Variants in XPO7 observed in about 807,000 individuals in gnomAD.
XPO7 encodes exportin 7.
Under a neutral mutation model 144.3 loss-of-function variants are expected in XPO7, and 21 were observed. The observed-to-expected ratio is 0.15, with a 90% CI of 0.10 to 0.21. The LOEUF (loss-of-function observed/expected upper bound fraction) is 0.21, where lower values mean the gene tolerates loss of function less well. XPO7 is among the 10% of genes least tolerant of loss of function. The pLI is 1.00. For missense variants in XPO7, 808 were observed against 1,325.8 expected, an observed-to-expected ratio of 0.61 and a Z score of 6.06; for synonymous variants, 580 against 499.6, an observed-to-expected ratio of 1.16 and a Z score of -2.15.
chr8:21,937,109 T>G (rs1165653080), intron 1 of XPO7, among the ~76,000 whole-genome samples: 2 of 152,214 alleles, frequency 1.3e-5, no homozygotes, highest in Non-Finnish European at 2.9e-5. Flanking sequence ...GTTAAAAGTT[T>G]CAAAACTGCT....
In XPO7 at chr8:21,984,715, T is replaced by A; in HGVS notation, c.1347T>A (p.Ile449=). ...AGCAGTTGGACCAGCTGTCCACCAT[T>A]GGGCGTTGTGAATATGAGAAGACGT... ...VQQQLDQLST[I]GRCEYEKTCA... The change falls in exon 12 of 28, where the codon ATT becomes ATA. Residue 449 remains isoleucine, a synonymous_variant. Coordinates refer to ENST00000252512, the MANE Select transcript of XPO7 (RefSeq NM_015024.5). 1 of 1,613,986 alleles carries A rather than the reference T, an allele frequency of 6.2e-7. No homozygotes were observed. Among genetic ancestry groups the A allele is most frequent in the Non-Finnish European group, 8.5e-7 (1 of 1,179,886 alleles).
intron 1 of XPO7, among the ~76,000 whole-genome samples, chr8:21,922,704 AAG>A (rs1441663740): frequency 1.3e-5 from 2 of 152,210 alleles, no homozygotes; most frequent in African/African-American, 4.8e-5. Flanking sequence ...AAAGGAAGGA[AAG>A]AATATGATTT....
chr8:21,987,938 C>T (rs750046154), intron 15 of XPO7, 81 bp downstream of exon 15: 83 of 1,409,916 alleles, frequency 5.9e-5, no homozygotes, highest in South Asian at 2.1e-4. Context: ...CATTGTGCTG[C>T]CAGTGCCTGG....
At chr8:21,998,042 A>G (rs552948254) in intron 21 of XPO7, among the ~76,000 whole-genome samples, 120 of 152,326 alleles carry the variant, frequency 7.9e-4, no homozygotes, top group African/African-American at 2.7e-3. Context: ...AATGGTAACA[A>G]TGCTTTGGCC....
intron 27 of XPO7, among the ~76,000 whole-genome samples, chr8:22,004,244 G>A: frequency 6.6e-6 from 1 of 152,104 alleles, no homozygotes; most frequent in Admixed American, 6.5e-5. Context: ...GTATCAGTGT[G>A]TAATCAGTAT....
intron 1 of XPO7, among the ~76,000 whole-genome samples, chr8:21,965,264 G>A (rs1329825187): frequency 6.6e-6 from 1 of 151,900 alleles, no homozygotes; most frequent in East Asian, 1.9e-4. Flanking sequence ...TAATTAAACT[G>A]ATTCAATTCT....
At chr8:21,974,848 T>C (rs1382252834) in intron 6 of XPO7, 74 bp downstream of exon 6, 2 of 1,241,416 alleles carry the variant, frequency 1.6e-6, no homozygotes, top group African/African-American at 1.5e-5. Context: ...TTGTTAAATG[T>C]CAGCTTTTAA....
intron 19 of XPO7, among the ~76,000 whole-genome samples, chr8:21,992,845 T>C (rs1812815216): frequency 6.6e-6 from 1 of 152,186 alleles, no homozygotes; most frequent in Non-Finnish European, 1.5e-5. Context: ...TGTGTCCAAA[T>C]CAGAAGACAC....
rs957163620 is a variant in XPO7, at chr8:21,924,495, C to A, written c.18+4707C>A. Among the ~76,000 whole-genome samples the A allele has an allele frequency of 3.5e-5, 5 of 142,856 alleles. No individual in the cohort carries two copies. The South Asian group carries it at 1.3e-3, about 37-fold the overall frequency. The allele number at this position is 142,856 out of a possible 152,430, so 93.7% of individuals were successfully genotyped here. A position where few individuals can be genotyped will look rare whatever the true frequency, so the allele number is the denominator to read the frequency against. Reference sequence around the variant, plus strand: ...CTATCCTGTCATTTTATTTTTAAATCTGCTTTTAGAACTCAAGCTGAGTAA... The same window carrying A: ...CTATCCTGTCATTTTATTTTTAAATATGCTTTTAGAACTCAAGCTGAGTAA... On this transcript the variant is annotated intron_variant, in intron 1 of 27. Transcript: ENST00000252512.
intron 27 of XPO7, 103 bp from the exon 28 acceptor site, chr8:22,004,892 A>C (rs1349220333): frequency 1.1e-5 from 7 of 621,364 alleles, no homozygotes; most frequent in Non-Finnish European, 1.4e-5. Context: ...AGAACCCATC[A>C]ATTCATACAT....
chr8:21,982,565 C>A, intron 10 of XPO7, 75 bp from the exon 11 acceptor site: 2 of 1,470,036 alleles, frequency 1.4e-6, no homozygotes, highest in African/African-American at 1.4e-5. Flanking sequence ...AAGTCTTTAT[C>A]TTCTGTGTCA....
chr8:21,948,691 TTTTG>T (rs1224024463), intron 1 of XPO7, among the ~76,000 whole-genome samples: 2 of 152,184 alleles, frequency 1.3e-5, no homozygotes, highest in African/African-American at 4.8e-5. Flanking sequence ...GCTTTTCTAG[TTTTG>T]TTTTTTTATT....
chr8:21,936,446 A>T (rs532622952), intron 1 of XPO7, among the ~76,000 whole-genome samples: 2 of 152,182 alleles, frequency 1.3e-5, no homozygotes, highest in African/African-American at 4.8e-5. Context: ...ATTTTCACCA[A>T]TGTTACTATA....
chr8:21,961,934 A>G (rs1311113135), intron 1 of XPO7, among the ~76,000 whole-genome samples: 1 of 152,214 alleles, frequency 6.6e-6, no homozygotes, highest in Non-Finnish European at 1.5e-5. Flanking sequence ...AAGTGCTGGG[A>G]TTACAGGCAT....
At chr8:21,956,745 T>C (rs1288879512) in intron 1 of XPO7, among the ~76,000 whole-genome samples, 1 of 152,116 alleles carries the variant, frequency 6.6e-6, no homozygotes, top group Non-Finnish European at 1.5e-5. Context: ...TTTTTTTTTT[T>C]TCTTTTTGTG....
intron 1 of XPO7, among the ~76,000 whole-genome samples, chr8:21,934,196 G>T (rs936372658): frequency 2.3e-4 from 35 of 152,200 alleles, no homozygotes; most frequent in Admixed American, 1.6e-3. Flanking sequence ...GTGAAGAAAA[G>T]TGTTGTAATG....
intron 19 of XPO7, among the ~76,000 whole-genome samples, chr8:21,994,036 T>G (rs1418246808): frequency 1.3e-5 from 2 of 151,074 alleles, no homozygotes; most frequent in African/African-American, 4.9e-5. Flanking sequence ...ATGTGATGTA[T>G]TACTTCAATG....
chr8:21,972,844 C>T (rs1440191013), intron 5 of XPO7, among the ~76,000 whole-genome samples: 1 of 152,156 alleles, frequency 6.6e-6, no homozygotes, highest in Non-Finnish European at 1.5e-5. Flanking sequence ...GTGAGTTGGT[C>T]CTATTTCAAA....
intron 1 of XPO7, among the ~76,000 whole-genome samples, chr8:21,961,743 A>G (rs987755475): frequency 1.3e-5 from 2 of 152,050 alleles, no homozygotes; most frequent in African/African-American, 2.4e-5. Flanking sequence ...GCTCACTGCA[A>G]CCTCTACCTC....
Sources: allele counts gnomAD v4.1 joint callset (sites outside exome capture counted in the v4.1 genomes callset), GRCh38; gene constraint gnomAD v4.1.1; transcripts MANE v1.5; gene names NCBI Gene and HGNC (gene_info 2026-07-23, HGNC 2026-07-21).